BACH2: variants seen among roughly 807,000 people sequenced by gnomAD.
BACH2 encodes BACH transcriptional regulator 2.
Under a neutral mutation model 61.8 loss-of-function variants are expected in BACH2, and 5 were observed. The observed-to-expected ratio is 0.08, with a 90% CI of 0.04 to 0.17. The LOEUF (loss-of-function observed/expected upper bound fraction) is 0.17. Ranked by LOEUF, BACH2 falls within the 10% of genes least tolerant of loss-of-function variation. The probability of loss-of-function intolerance (pLI) is 1.00; values close to 1 mark genes in which losing one functional copy is unlikely to be tolerated. For missense variants in BACH2, 824 were observed against 1,091.1 expected (o/e 0.76, Z 3.45); for synonymous variants, 446 against 440.1 (o/e 1.01, Z -0.17).
At chr6:90,185,022 T>A (rs948979776) in intron 4 of BACH2, among the ~76,000 whole-genome samples, 2 of 152,210 alleles carry the variant, frequency 1.3e-5, no homozygotes, top group African/African-American at 4.8e-5. Flanking sequence ...AGAAGCTGAA[T>A]GTCAGCCGGT....
At chr6:90,229,477 A>G (rs1289827210) in intron 3 of BACH2, among the ~76,000 whole-genome samples, 1 of 152,154 alleles carries the variant, frequency 6.6e-6, no homozygotes, top group Non-Finnish European at 1.5e-5. Flanking sequence ...AAAAGAAAAA[A>G]AAAATGTCTG....
intron 4 of BACH2, among the ~76,000 whole-genome samples, chr6:90,120,909 A>C (rs1783597276): frequency 1.9e-5 from 2 of 107,060 alleles, no homozygotes; most frequent in Admixed American, 1.0e-4. Flanking sequence ...ATAAAATATG[A>C]GTGTGAAAAT....
At chr6:90,282,542 C>G (rs944073630) in intron 1 of BACH2, among the ~76,000 whole-genome samples, 1 of 151,712 alleles carries the variant, frequency 6.6e-6, no homozygotes, top group African/African-American at 2.4e-5. Context: ...TTTTCTTTAT[C>G]CAGTCTATCA....
In BACH2 at chr6:89,932,312, T is replaced by C; in HGVS notation, c.*96A>G. The C allele has an allele frequency of 6.8e-7, 1 of 1,477,706 alleles. No homozygotes were observed. The highest frequency in any genetic ancestry group is 9.2e-7 in the Non-Finnish European group (1 of 1,088,200). The allele number at this position is 1,477,706 out of a possible 1,614,324, so 91.5% of individuals were successfully genotyped here. A position where few individuals can be genotyped will look rare whatever the true frequency, so the allele number is the denominator to read the frequency against. ...GCTGTAGTGTGCACCAAATGTGTTCTCGGTTTCTTCGGGACAGCAGATGAA... is the reference window on the plus strand; with the variant it reads ...GCTGTAGTGTGCACCAAATGTGTTCCCGGTTTCTTCGGGACAGCAGATGAA... On this transcript the variant is annotated 3_prime_UTR_variant, in exon 9 of 9. Coordinates refer to ENST00000257749, the MANE Select transcript of BACH2 (RefSeq NM_021813.4).
intron 4 of BACH2, among the ~76,000 whole-genome samples, chr6:90,149,925 T>C (rs2127829534): frequency 6.6e-6 from 1 of 152,294 alleles, no homozygotes; most frequent in African/African-American, 2.4e-5. Flanking sequence ...GTCTGGGAAA[T>C]GGGCAGCAGA....
chr6:90,105,656 T>G (rs539600879), intron 4 of BACH2, among the ~76,000 whole-genome samples: 93 of 152,352 alleles, frequency 6.1e-4, no homozygotes, highest in African/African-American at 2.1e-3. Context: ...ACACCCACTT[T>G]CAGGAGTTTC....
intron 5 of BACH2, among the ~76,000 whole-genome samples, chr6:90,016,962 A>AATTTG (rs1186359347): frequency 6.6e-6 from 1 of 151,728 alleles, no homozygotes; most frequent in Admixed American, 6.6e-5. Flanking sequence ...TTTCTTGATC[A>AATTTG]CTTGTTTTGA....
intron 4 of BACH2, among the ~76,000 whole-genome samples, chr6:90,092,938 G>A (rs573983079): frequency 2.6e-4 from 40 of 152,226 alleles, no homozygotes; most frequent in Middle Eastern, 3.4e-3. Flanking sequence ...GGAACCATGA[G>A]GCCAAAGGTA....
chr6:90,215,651 G>GCAGAA, intron 3 of BACH2, among the ~76,000 whole-genome samples: 1 of 152,074 alleles, frequency 6.6e-6, no homozygotes, highest in African/African-American at 2.4e-5. Flanking sequence ...CCAGAATTGG[G>GCAGAA]TTCCCTAAAT....
chr6:90,231,997 G>C (rs1770114961), intron 3 of BACH2, among the ~76,000 whole-genome samples: 1 of 152,016 alleles, frequency 6.6e-6, no homozygotes, highest in Non-Finnish European at 1.5e-5. Context: ...GAGAGAGAGA[G>C]AGAGAGAGAG....
intron 6 of BACH2, among the ~76,000 whole-genome samples, chr6:89,971,240 T>C (rs1168174522): frequency 6.6e-6 from 1 of 152,196 alleles, no homozygotes; most frequent in Non-Finnish European, 1.5e-5. Flanking sequence ...TCAGTGACAC[T>C]ACAGCACTTA....
At chr6:90,280,819 C>T (rs1000671861) in intron 1 of BACH2, among the ~76,000 whole-genome samples, 5 of 152,090 alleles carry the variant, frequency 3.3e-5, no homozygotes, top group African/African-American at 7.2e-5. Context: ...AAACCTGCCT[C>T]CAAGGGTAGA....
chr6:90,084,510 T>C (rs1781847879), intron 5 of BACH2, among the ~76,000 whole-genome samples: 1 of 151,484 alleles, frequency 6.6e-6, no homozygotes, highest in African/African-American at 2.4e-5. Flanking sequence ...GACCTGAATT[T>C]TCTCCTCTAC....
At chr6:90,122,843 A>G (rs1783686144) in intron 4 of BACH2, among the ~76,000 whole-genome samples, 1 of 152,240 alleles carries the variant, frequency 6.6e-6, no homozygotes, top group Non-Finnish European at 1.5e-5. Context: ...CTGACTGCCC[A>G]TGGCAATGGT....
At chr6:90,058,529 G>A (rs1157091427) in intron 5 of BACH2, among the ~76,000 whole-genome samples, 4 of 152,114 alleles carry the variant, frequency 2.6e-5, no homozygotes, top group Non-Finnish European at 4.4e-5. Context: ...AATCAATATT[G>A]TGAAAATGGC....
chr6:90,163,262 A>G (rs908186518), intron 4 of BACH2, among the ~76,000 whole-genome samples: 2 of 152,234 alleles, frequency 1.3e-5, no homozygotes, highest in African/African-American at 2.4e-5. Context: ...TTTGATAAAC[A>G]GACCACAGTG....
chr6:90,166,309 C>T (rs1398499888), intron 4 of BACH2, among the ~76,000 whole-genome samples: 1 of 151,824 alleles, frequency 6.6e-6, no homozygotes, highest in Non-Finnish European at 1.5e-5. Flanking sequence ...AAAAAATGCT[C>T]ATCATCACTG....
At chr6:90,141,242 G>A (rs773340020) in intron 4 of BACH2, among the ~76,000 whole-genome samples, 9 of 152,142 alleles carry the variant, frequency 5.9e-5, no homozygotes, top group Non-Finnish European at 1.2e-4. Flanking sequence ...GTGCAGGGGC[G>A]TGATCTCGGC....
Position 90,167,783 on chromosome 6 carries a change from T to C in BACH2, c.-162+38786A>G, listed in dbSNP as rs535481295. ...CAATGATTGAGAAAGAGAAACATGC[T>C]TGGCCAGTTCACAAATCTGAATTTA... On this transcript the variant is annotated intron_variant, in intron 4 of 8. Transcript: ENST00000257749. Among the ~76,000 whole-genome samples the C allele has an allele frequency of 1.4e-4, 21 of 152,342 alleles. 1 individual carries two copies. Among genetic ancestry groups the C allele is most frequent in the Admixed American group, 1.4e-3 (21 of 15,304 alleles).
Sources: allele counts gnomAD v4.1 joint callset (sites outside exome capture counted in the v4.1 genomes callset), GRCh38; gene constraint gnomAD v4.1.1; transcripts MANE v1.5; gene names NCBI Gene and HGNC (gene_info 2026-07-23, HGNC 2026-07-21).